SDK1: variants seen among roughly 807,000 people sequenced by gnomAD.
SDK1 encodes protein sidekick-1.
A neutral mutation model predicts 245.5 loss-of-function variants in SDK1; 157 were observed. That is an observed-to-expected ratio of 0.64 (90% confidence interval 0.56 to 0.73). The LOEUF is 0.73. Ranked by LOEUF, SDK1 falls within the 30% of genes least tolerant of loss-of-function variation. The pLI is 0.00. For missense variants in SDK1, 3,583 were observed against 3,002.3 expected (o/e 1.19, Z -4.52); for synonymous variants, 1,647 against 1,278.5 (o/e 1.29, Z -6.15).
At chr7:3,512,349 T>C (rs1435187616) in intron 1 of SDK1, among the ~76,000 whole-genome samples, 1 of 152,228 alleles carries the variant, frequency 6.6e-6, no homozygotes, top group Non-Finnish European at 1.5e-5. Flanking sequence ...TATATCAAAG[T>C]TTATGTATTC....
Position 3,854,885 on chromosome 7 carries a change from C to G in SDK1, c.847+33302C>G, listed in dbSNP as rs10261101. 9.5e-3 allele frequency among the ~76,000 whole-genome samples: 1,444 copies of G among 152,200 alleles called. 23 individuals are homozygous for G. Among genetic ancestry groups the G allele is most frequent in the African/African-American group, 0.033 (1,376 of 41,536 alleles). ...AGACAAAGTTGGATTGAAAAGAAAC[C>G]TACAAAAGATGGGACGAACACTAGA... On this transcript the variant is annotated intron_variant, in intron 5 of 44. Coordinates refer to ENST00000404826, the MANE Select transcript of SDK1 (RefSeq NM_152744.4).
chr7:3,683,418 A>C (rs887133974), intron 4 of SDK1, among the ~76,000 whole-genome samples: 1 of 152,108 alleles, frequency 6.6e-6, no homozygotes, highest in Non-Finnish European at 1.5e-5. Flanking sequence ...GCGAGTAGGT[A>C]GTTTTAAACA....
chr7:3,559,911 C>A (rs78731295), intron 1 of SDK1, among the ~76,000 whole-genome samples: 1 of 152,152 alleles, frequency 6.6e-6, no homozygotes, highest in Non-Finnish European at 1.5e-5. Context: ...ATAAATGTTT[C>A]AGGATGATTG....
At chr7:3,919,479 G>T (rs1214810812) in intron 5 of SDK1, among the ~76,000 whole-genome samples, 1 of 152,204 alleles carries the variant, frequency 6.6e-6, no homozygotes, top group African/African-American at 2.4e-5. Flanking sequence ...AAGGAGAGGA[G>T]GTCAGAGGAA....
chr7:3,457,789 T>A (rs1282104569), intron 1 of SDK1, among the ~76,000 whole-genome samples: 1 of 152,200 alleles, frequency 6.6e-6, no homozygotes, highest in Admixed American at 6.5e-5. Flanking sequence ...CTTCTCCCTG[T>A]CTCCTTTGTT....
At position 3,664,627 on chromosome 7, in the gene SDK1, C is replaced by A. The variant is rs187168436; in HGVS notation, c.713+22522C>A. Among the ~76,000 whole-genome samples the A allele has an allele frequency of 3.6e-3, 553 of 151,930 alleles. 13 individuals carry two copies. Among genetic ancestry groups the A allele is most frequent in the Admixed American group, 0.034 (517 of 15,256 alleles). On this transcript the variant is annotated intron_variant, in intron 4 of 44. Transcript: ENST00000404826. ...TGGTGGCGGGCATCTGTAATCCCAGCTGCTTGGAAGGCTGAGGCACAAGAA... is the reference window on the plus strand; with the variant it reads ...TGGTGGCGGGCATCTGTAATCCCAGATGCTTGGAAGGCTGAGGCACAAGAA...
intron 24 of SDK1, among the ~76,000 whole-genome samples, chr7:4,113,643 C>T (rs1196316994): frequency 6.6e-6 from 1 of 152,198 alleles, no homozygotes; most frequent in East Asian, 1.9e-4. Flanking sequence ...AGTAGCATTA[C>T]TCACTCTCTT....
At chr7:3,537,894 G>T (rs540747963) in intron 1 of SDK1, among the ~76,000 whole-genome samples, 2 of 152,322 alleles carry the variant, frequency 1.3e-5, no homozygotes, top group East Asian at 3.9e-4. Context: ...TTTCAGTGAG[G>T]CATCCTGGTG....
Position 3,757,492 on chromosome 7 carries a change from C to T in SDK1, c.714-63958C>T, listed in dbSNP as rs558533401. 1.1e-4 allele frequency among the ~76,000 whole-genome samples: 17 copies of T among 152,288 alleles called. 1 individual carries two copies. Among genetic ancestry groups the T allele is most frequent in the South Asian group, 4.2e-4 (2 of 4,812 alleles). Reference sequence around the variant, plus strand: ...CCTCAAGCAGTCCTCCCACTTTGGCCTCCCAAAGTGCTGGGACTACAGGTG... The same window carrying T: ...CCTCAAGCAGTCCTCCCACTTTGGCTTCCCAAAGTGCTGGGACTACAGGTG... On this transcript the variant is annotated intron_variant, in intron 4 of 44. Transcript: ENST00000404826.
intron 41 of SDK1, among the ~76,000 whole-genome samples, chr7:4,234,327 C>G (rs906279992): frequency 1.3e-5 from 2 of 152,006 alleles, no homozygotes; most frequent in East Asian, 1.9e-4. Flanking sequence ...CAGGTCTGCT[C>G]TCAGGGGAGT....
chr7:3,788,242 G>A (rs1324877172), intron 4 of SDK1, among the ~76,000 whole-genome samples: 2 of 152,198 alleles, frequency 1.3e-5, no homozygotes, highest in Admixed American at 1.3e-4. Context: ...CCGGACACCA[G>A]ACACCTTCAT....
chr7:3,703,964 A>T (rs944596001), intron 4 of SDK1, among the ~76,000 whole-genome samples: 2 of 152,152 alleles, frequency 1.3e-5, no homozygotes, highest in Admixed American at 6.6e-5. Flanking sequence ...ACATGGATGA[A>T]TTGTATGGTG....
At chr7:3,847,562 C>T (rs1335474386) in intron 5 of SDK1, among the ~76,000 whole-genome samples, 2 of 152,224 alleles carry the variant, frequency 1.3e-5, no homozygotes, top group Non-Finnish European at 2.9e-5. Context: ...CTCCTCTTGC[C>T]TGCTTCTCAC....
At chr7:3,545,351 T>G (rs1779187032) in intron 1 of SDK1, among the ~76,000 whole-genome samples, 1 of 152,158 alleles carries the variant, frequency 6.6e-6, no homozygotes, top group Non-Finnish European at 1.5e-5. Flanking sequence ...AGTTAATGGC[T>G]AAAGTGAGGC....
intron 1 of SDK1, among the ~76,000 whole-genome samples, chr7:3,613,146 C>T (rs1169616950): frequency 1.3e-5 from 2 of 152,158 alleles, no homozygotes; most frequent in Non-Finnish European, 2.9e-5. Flanking sequence ...GATGATACGA[C>T]TTAATTTTAG....
chr7:3,350,541 C>T (rs998066285), intron 1 of SDK1, among the ~76,000 whole-genome samples: 1 of 152,112 alleles, frequency 6.6e-6, no homozygotes, highest in Admixed American at 6.5e-5. Context: ...GATAGTATGT[C>T]ATTTTGCTTT....
At chr7:3,818,811 G>C (rs1004163727) in intron 4 of SDK1, among the ~76,000 whole-genome samples, 1 of 152,132 alleles carries the variant, frequency 6.6e-6, no homozygotes, top group African/African-American at 2.4e-5. Flanking sequence ...TTCATGTGAA[G>C]GTCATTTCTA....
intron 1 of SDK1, among the ~76,000 whole-genome samples, chr7:3,469,288 A>G (rs1217120277): frequency 2.6e-5 from 4 of 152,174 alleles, no homozygotes. Flanking sequence ...AACATTAGTC[A>G]GGGGTGGTAG....
rs34317578 is a variant in SDK1, at chr7:3,953,092, CA to C, written c.1150+1173del. 5.1e-3 allele frequency among the ~76,000 whole-genome samples: 732 copies of C among 144,670 alleles called. 8 individuals are homozygous for C. The highest frequency in any genetic ancestry group is 0.018 in the African/African-American group (701 of 38,980). 94.9% of individuals were successfully genotyped at this position (144,670 alleles called of 152,430 possible). On this transcript the variant is annotated intron_variant, in intron 7 of 44. Coordinates refer to ENST00000404826, the MANE Select transcript of SDK1 (RefSeq NM_152744.4). ...CTTTGGGAAAAAGGGGAATTGAGAACAGGAAAATTCAAATAAGAAAACCCTC... is the reference window on the plus strand; with the variant it reads ...CTTTGGGAAAAAGGGGAATTGAGAACGGAAAATTCAAATAAGAAAACCCTC...
Sources: gnomAD v4.1 joint callset for allele counts (sites outside exome capture counted in the v4.1 genomes callset) on GRCh38, gnomAD v4.1.1 for gene constraint, MANE v1.5 for transcripts, NCBI Gene and HGNC (gene_info 2026-07-23, HGNC 2026-07-21) for gene names.